UBN1: variants seen among roughly 807,000 people sequenced by gnomAD.
The protein encoded by UBN1 is ubinuclein 1, also known as ubinuclein-1.
Under a neutral mutation model 108.5 loss-of-function variants are expected in UBN1, and 17 were observed. That is an observed-to-expected ratio of 0.16 (90% CI 0.11 to 0.24). UBN1 has a LOEUF of 0.24. UBN1 is among the 10% of genes least tolerant of loss of function. The pLI, the probability that UBN1 is intolerant of heterozygous loss-of-function variation, is 1.00. For missense variants in UBN1, 1,595 were observed against 1,394.4 expected (o/e 1.14, Z -2.29); for synonymous variants, 726 against 564.2 (o/e 1.29, Z -4.07).
At chr16:4,855,698 C>A (rs963242828) in intron 2 of UBN1, among the ~76,000 whole-genome samples, 1 of 151,320 alleles carries the variant, frequency 6.6e-6, no homozygotes, top group African/African-American at 2.4e-5. Context: ...GCAGGCGGAT[C>A]ACTTGATGTC....
chr16:4,874,644 C>T lies in UBN1; in HGVS notation c.2234C>T (p.Ala745Val), dbSNP rs2087794739. ...PLNFLAEQALALGQSSQEKKP... is the reference protein window; with the variant it reads ...PLNFLAEQALVLGQSSQEKKP... ...AATTTTCTGGCAGAACAGGCTCTGG[C>T]ACTGGGGCAGTCCTCTCAGGAGAAA... The change falls in exon 15 of 18, where the codon GCA becomes GTA. Residue 745 changes from alanine (A) to valine (V), a missense_variant. Physicochemically the swap from Ala to Val is moderately conservative, Grantham distance 64. Around this residue, in one of 3 missense-constraint regions of UBN1, gnomAD observed 1,398 missense variants for 1,194.7 expected, o/e 1.17. Coordinates refer to ENST00000262376, the MANE Select transcript of UBN1 (RefSeq NM_001079514.3). 6.2e-7 allele frequency: 1 copy of T among 1,614,232 alleles called. No homozygotes were observed. Among genetic ancestry groups the T allele is most frequent in the Non-Finnish European group, 8.5e-7 (1 of 1,180,044 alleles).
intron 17 of UBN1, among the ~76,000 whole-genome samples, chr16:4,879,822 A>C (rs1256738472): frequency 6.6e-6 from 1 of 152,162 alleles, no homozygotes; most frequent in Non-Finnish European, 1.5e-5. Context: ...CCCAAGTTGC[A>C]CAGCAGAGTT....
At chr16:4,854,924 G>A (rs1042586629) in intron 2 of UBN1, among the ~76,000 whole-genome samples, 2 of 151,932 alleles carry the variant, frequency 1.3e-5, no homozygotes, top group African/African-American at 2.4e-5. Flanking sequence ...GGGTTCCACC[G>A]TGTTAGCCAG....
intron 17 of UBN1, among the ~76,000 whole-genome samples, chr16:4,879,080 A>C (rs542562002): frequency 1.8e-4 from 28 of 152,218 alleles, no homozygotes; most frequent in Middle Eastern, 3.2e-3. Flanking sequence ...AGGAAGAATA[A>C]GTGCTAGTGT....
At chr16:4,867,406 C>G (rs957615248) in intron 7 of UBN1, among the ~76,000 whole-genome samples, 1 of 113,828 alleles carries the variant, frequency 8.8e-6, no homozygotes, top group Admixed American at 9.6e-5. Flanking sequence ...AGAGGGCTAA[C>G]TTTTTGTATA....
At chr16:4,860,084 C>T in intron 6 of UBN1, 116 bp downstream of exon 6, 2 of 1,363,940 alleles carry the variant, frequency 1.5e-6, no homozygotes, top group South Asian at 2.7e-5. Flanking sequence ...CCTGGCCTTC[C>T]TGTCCTCCCG....
intron 12 of UBN1, among the ~76,000 whole-genome samples, chr16:4,871,995 C>G (rs1011861271): frequency 6.6e-6 from 1 of 152,192 alleles, no homozygotes; most frequent in African/African-American, 2.4e-5. Flanking sequence ...GCAGGGCTGA[C>G]TCCTTATTGG....
intron 14 of UBN1, 138 bp downstream of exon 14, chr16:4,873,211 T>A: frequency 7.8e-7 from 1 of 1,282,216 alleles, no homozygotes; most frequent in Non-Finnish European, 1.1e-6. Flanking sequence ...ATTCTTGAAG[T>A]CATAACAGGA....
chr16:4,871,331 G>A (rs770281067), intron 12 of UBN1, 30 bp downstream of exon 12: 5 of 1,607,878 alleles, frequency 3.1e-6, no homozygotes, highest in Non-Finnish European at 4.2e-6. Context: ...ATGGGCATCT[G>A]TGCAGTCAAG....
intron 8 of UBN1, 68 bp from the exon 9 acceptor site, chr16:4,870,144 A>ACGGTGAGCTGATGAAGACAGGAGTTG: frequency 6.2e-7 from 1 of 1,603,818 alleles, no homozygotes; most frequent in African/African-American, 1.3e-5. Context: ...CTCTCCACGT[A>ACGGTGAGCTGATGAAGACAGGAGTTG]CGGTGAGCTG....
chr16:4,858,484 A>G (rs1408685760), intron 3 of UBN1, 84 bp from the exon 4 acceptor site: 21 of 1,235,060 alleles, frequency 1.7e-5, no homozygotes, highest in Non-Finnish European at 2.3e-5. Context: ...TACCTCTTTG[A>G]GTCATAGCTG....
At chr16:4,860,022 C>G in intron 6 of UBN1, 54 bp downstream of exon 6, 1 of 1,602,920 alleles carries the variant, frequency 6.2e-7, no homozygotes, top group Non-Finnish European at 8.5e-7. Flanking sequence ...TAGGGCAGGA[C>G]GACTGGGAGC....
chr16:4,849,336 C>G (rs1273045948), intron 1 of UBN1, among the ~76,000 whole-genome samples: 6 of 151,764 alleles, frequency 4.0e-5, no homozygotes, highest in Non-Finnish European at 5.9e-5. Flanking sequence ...ATAGGTCTGC[C>G]TATTTTGAAA....
chr16:4,849,732 A>G (rs1344715947), intron 1 of UBN1, among the ~76,000 whole-genome samples: 1 of 151,776 alleles, frequency 6.6e-6, no homozygotes, highest in Non-Finnish European at 1.5e-5. Context: ...AGCCAAGACT[A>G]CAGGGGTGTG....
At chr16:4,863,160 T>G (rs1296522612) in intron 7 of UBN1, among the ~76,000 whole-genome samples, 1 of 152,238 alleles carries the variant, frequency 6.6e-6, no homozygotes, top group Non-Finnish European at 1.5e-5. Flanking sequence ...TTTATGCAGC[T>G]GTAATTATAG....
chr16:4,867,712 C>G (rs1011807810), intron 7 of UBN1, among the ~76,000 whole-genome samples: 1 of 151,968 alleles, frequency 6.6e-6, no homozygotes, highest in Non-Finnish European at 1.5e-5. Context: ...GCAGATGGAG[C>G]AGTTAGAGTG....
chr16:4,853,718 C>T (rs1220174341), intron 2 of UBN1, among the ~76,000 whole-genome samples: 3 of 152,038 alleles, frequency 2.0e-5, no homozygotes, highest in African/African-American at 4.8e-5. Flanking sequence ...CACGCCACCA[C>T]ACCCAGCTAA....
At position 4,881,161 on chromosome 16, in the gene UBN1, CA is replaced by C. The variant is rs1279628866; in HGVS notation, c.*1030del. ...TCATCTCTCTGAGGGTCAAGGATAC[CA>C]GGGGTCCCAAGTCACAGATAGACAT... is the stretch of plus-strand genomic sequence containing the variant. On this transcript the variant is annotated 3_prime_UTR_variant, in exon 18 of 18. Transcript: ENST00000262376. 6.6e-6 allele frequency: 1 copy of C among 152,554 alleles called. No homozygotes were observed. The highest frequency in any genetic ancestry group is 1.5e-5 in the Non-Finnish European group (1 of 68,040). 9.5% of individuals were successfully genotyped at this position (152,554 alleles called of 1,614,324 possible). A position where few individuals can be genotyped will look rare whatever the true frequency, so the allele number is the denominator to read the frequency against.
At position 4,875,257 on chromosome 16, in the gene UBN1, C is replaced by T. The variant is rs764905281; in HGVS notation, c.2847C>T (p.Pro949=). 25 of 1,614,098 alleles carry T rather than the reference C, an allele frequency of 1.5e-5. No individual in the cohort carries two copies. Among genetic ancestry groups the T allele is most frequent in the South Asian group, 4.4e-5 (4 of 91,088 alleles). Reference sequence around the variant, plus strand: ...CCGTGGGACAGGCCACCAGCCGACCCGTCCCAAGTTCAGCAGGGAAAAAAA... The same window carrying T: ...CCGTGGGACAGGCCACCAGCCGACCTGTCCCAAGTTCAGCAGGGAAAAAAA... ...PPSVGQATSR[P]VPSSAGKKMP... is the part of the protein sequence containing the mutation. Residue 949 remains proline (P), a synonymous_variant, in exon 15 of 18, where the codon CCC becomes CCT. Transcript: ENST00000262376.
Sources: allele counts gnomAD v4.1 joint callset (sites outside exome capture counted in the v4.1 genomes callset), GRCh38; gene constraint gnomAD v4.1.1; regional missense constraint gnomAD v4.1.1; transcripts MANE v1.5; gene names NCBI Gene and HGNC (gene_info 2026-07-23, HGNC 2026-07-21).